TSHZ1: variants seen among roughly 807,000 people sequenced by gnomAD.
TSHZ1 encodes teashirt zinc finger homeobox 1.
In TSHZ1, 12 loss-of-function variants were observed where a neutral mutation model predicts 67.1. That is an observed-to-expected ratio of 0.18 (90% CI 0.11 to 0.29). The LOEUF (loss-of-function observed/expected upper bound fraction) is 0.29. Among genes scored for constraint, TSHZ1 ranks in the 10% least tolerant of loss-of-function variants. The probability of loss-of-function intolerance (pLI) is 1.00; values close to 1 mark genes in which losing one functional copy is unlikely to be tolerated. For missense variants in TSHZ1, 1,305 were observed against 1,413.9 expected, an observed-to-expected ratio of 0.92 and a Z score of 1.23; for synonymous variants, 632 against 622.4, an observed-to-expected ratio of 1.02 and a Z score of -0.23.
Position 75,287,240 on chromosome 18 carries a change from G to A in TSHZ1, c.1833G>A (p.Ser611=), listed in dbSNP as rs774600485. ...CGTCCTATGCTGGCGGCGTGAAGTC[G>A]CTGTCTTCCGCCGAGCACAACGCCC... The part of the protein sequence containing the change: ...VQPSYAGGVK[S]LSSAEHNALL... Residue 611 remains serine, a synonymous_variant, in exon 2 of 2, where the codon TCG becomes TCA. Transcript: ENST00000580243. This position sits in a 1 kb window ranked among gnomAD's most constrained non-coding sequence, Gnocchi z 5.0. The A allele has an allele frequency of 5.3e-5, 86 of 1,613,792 alleles. No individual in the cohort carries two copies. Among genetic ancestry groups the A allele is most frequent in the Middle Eastern group, 1.6e-4 (1 of 6,084 alleles).
At chr18:75,225,748 G>A (rs574151349) in intron 1 of TSHZ1, among the ~76,000 whole-genome samples, 10 of 150,828 alleles carry the variant, frequency 6.6e-5, no homozygotes, top group South Asian at 2.1e-4. Context: ...TCTCGGTGGC[G>A]GGTTTTACTT....
At position 75,289,071 on chromosome 18, in the gene TSHZ1, GA is replaced by G. The variant is rs777123658; in HGVS notation, c.*442del. 902 of 136,912 alleles carry G rather than the reference GA, an allele frequency of 6.6e-3. 1 individual carries two copies. Among genetic ancestry groups the G allele is most frequent in the South Asian group, 0.018 (73 of 4,042 alleles). The allele number at this position is 136,912 out of a possible 1,614,324, so 8.5% of individuals were successfully genotyped here. On this transcript the variant is annotated 3_prime_UTR_variant, in exon 2 of 2. Transcript: ENST00000580243. Reference sequence around the variant, plus strand: ...AATTGCATTTCTGTGCCTTTCACTTGAAAAAAAAAAAAGAAGAAAAAAAGGC... The same window carrying G: ...AATTGCATTTCTGTGCCTTTCACTTGAAAAAAAAAAAGAAGAAAAAAAGGC...
At chr18:75,237,446 C>T (rs1372400912) in intron 1 of TSHZ1, among the ~76,000 whole-genome samples, 2 of 152,098 alleles carry the variant, frequency 1.3e-5, no homozygotes, top group Admixed American at 1.3e-4. Flanking sequence ...CACTTGAGCC[C>T]ATAAAGTTGA....
chr18:75,219,180 A>G (rs577148112), intron 1 of TSHZ1, among the ~76,000 whole-genome samples: 1 of 152,342 alleles, frequency 6.6e-6, no homozygotes, highest in Non-Finnish European at 1.5e-5. Context: ...AAAGGAAATA[A>G]TTTGATCTAA....
At chr18:75,217,504 G>T (rs1417185416) in intron 1 of TSHZ1, among the ~76,000 whole-genome samples, 1 of 152,176 alleles carries the variant, frequency 6.6e-6, no homozygotes, top group Non-Finnish European at 1.5e-5. Flanking sequence ...GGAAAGTAAA[G>T]ACTGTACTTT....
In TSHZ1 at chr18:75,287,537, T is replaced by G; in HGVS notation, c.2130T>G (p.Val710=). The G allele has an allele frequency of 6.2e-7, 1 of 1,614,156 alleles. No homozygotes were observed. Among genetic ancestry groups the G allele is most frequent in the Non-Finnish European group, 8.5e-7 (1 of 1,180,028 alleles). Residue 710 remains valine (V), a synonymous_variant, in exon 2 of 2, where the codon GTT becomes GTG. Transcript: ENST00000580243. The surrounding 1 kb of genome is among the most constrained non-coding windows in gnomAD (Gnocchi z 5.0). ...CCAAAAAGGAGGGACCGCTGGACGT[T>G]CACACCCCAAATGGCACAGAGCCTC... is the stretch of plus-strand genomic sequence containing the variant. The part of the protein sequence containing the change: ...GKAKKEGPLD[V]HTPNGTEPLK...
chr18:75,276,944 C>T (rs1034797559), intron 1 of TSHZ1, among the ~76,000 whole-genome samples: 7 of 152,210 alleles, frequency 4.6e-5, no homozygotes, highest in African/African-American at 1.7e-4. Context: ...AGTTTCCTGA[C>T]CTCATGGCTG....
intron 1 of TSHZ1, among the ~76,000 whole-genome samples, chr18:75,236,960 GTTTTTGTCA>G (rs1434965895): frequency 1.3e-5 from 2 of 152,192 alleles, no homozygotes; most frequent in Non-Finnish European, 2.9e-5. Context: ...TAAAGCTTTA[GTTTTTGTCA>G]TCTGTTTCCC....
chr18:75,276,352 T>C (rs1007140272), intron 1 of TSHZ1, among the ~76,000 whole-genome samples: 1 of 152,178 alleles, frequency 6.6e-6, no homozygotes, highest in Middle Eastern at 3.4e-3. Flanking sequence ...TGGCAGGGTG[T>C]CAGTCTTCCT....
In TSHZ1 at chr18:75,266,047, CT is replaced by C. The variant is rs1419894968; in HGVS notation, c.41-19395del. Among the ~76,000 whole-genome samples, 6 of 152,274 alleles carry C rather than the reference CT, an allele frequency of 3.9e-5. No homozygotes were observed. In the East Asian group the frequency reaches 1.2e-3, roughly 29 times the overall value. ...CTGCACAGAGACCTGCACTGCTCAC[CT>C]TTTTTGGTGTCCTGAGCCTAGACCG... On this transcript the variant is annotated intron_variant, in intron 1 of 1. Coordinates refer to ENST00000580243, the MANE Select transcript of TSHZ1 (RefSeq NM_001308210.2).
intron 1 of TSHZ1, among the ~76,000 whole-genome samples, chr18:75,279,117 G>C (rs1406686157): frequency 6.6e-6 from 1 of 152,172 alleles, no homozygotes; most frequent in Non-Finnish European, 1.5e-5. Flanking sequence ...CTTTATTCGA[G>C]GGGGACAGGA....
At chr18:75,267,899 C>T (rs2023510358) in intron 1 of TSHZ1, among the ~76,000 whole-genome samples, 1 of 152,144 alleles carries the variant, frequency 6.6e-6, no homozygotes, top group Non-Finnish European at 1.5e-5. Flanking sequence ...ATCTCAGGGA[C>T]AAGGTCAGAA....
chr18:75,241,213 G>A (rs183448316), intron 1 of TSHZ1, among the ~76,000 whole-genome samples: 10 of 152,326 alleles, frequency 6.6e-5, no homozygotes, highest in Non-Finnish European at 4.4e-5. Flanking sequence ...GCACCCAAGG[G>A]CTCTGCAGCT....
Position 75,281,085 on chromosome 18 carries a change from G to A in TSHZ1, c.41-4363G>A, listed in dbSNP as rs1241140105. 1.3e-5 allele frequency among the ~76,000 whole-genome samples: 2 copies of A among 152,202 alleles called. No individual in the cohort carries two copies. The highest frequency in any genetic ancestry group is 1.9e-4 in the East Asian group (1 of 5,196). On this transcript the variant is annotated intron_variant, in intron 1 of 1. Transcript: ENST00000580243. This position sits in a 1 kb window ranked among gnomAD's most constrained non-coding sequence, Gnocchi z 5.3. Reference sequence around the variant, plus strand: ...GGTCCAGACGCCCTGCCTGGGACACGCAGCTTCAGCAAAGGCTTGCACTCA... The same window carrying A: ...GGTCCAGACGCCCTGCCTGGGACACACAGCTTCAGCAAAGGCTTGCACTCA...
intron 1 of TSHZ1, among the ~76,000 whole-genome samples, chr18:75,253,841 A>G (rs560849927): frequency 2.3e-4 from 35 of 152,382 alleles, no homozygotes; most frequent in African/African-American, 7.9e-4. Flanking sequence ...GGCCTTTTGC[A>G]GATATTGTTC....
In TSHZ1 at chr18:75,211,839, GGCGGCGGCTGAGGCGACGGCT is replaced by G. The variant is rs1220080470; in HGVS notation, c.-29_-9del. ...CGCGTCCCCGCGCCCCGCGAACTCC[GGCGGCGGCTGAGGCGACGGCT>G]GCGGCGGCCGAGCAGCATGCCGAGG... On this transcript the variant is annotated 5_prime_UTR_variant, in exon 1 of 2. It removes the in-frame stop codon of an upstream open reading frame in the 5' UTR. Transcript: ENST00000580243. The G allele has an allele frequency of 5.3e-6, 6 of 1,133,476 alleles. No homozygotes were observed. In the East Asian group the frequency reaches 1.3e-4, roughly 25 times the overall value. The allele number at this position is 1,133,476 out of a possible 1,614,324, so 70.2% of individuals were successfully genotyped here. A position where few individuals can be genotyped will look rare whatever the true frequency, so the allele number is the denominator to read the frequency against.
At chr18:75,255,689 G>A (rs762847594) in intron 1 of TSHZ1, among the ~76,000 whole-genome samples, 5 of 152,144 alleles carry the variant, frequency 3.3e-5, no homozygotes, top group Non-Finnish European at 5.9e-5. Flanking sequence ...AAGATTTCTA[G>A]GAAATTACTT....
chr18:75,271,208 T>C (rs910736876), intron 1 of TSHZ1, among the ~76,000 whole-genome samples: 2 of 152,100 alleles, frequency 1.3e-5, no homozygotes, highest in Admixed American at 6.5e-5. Context: ...AAAATATCCT[T>C]AGACTAGGAA....
At chr18:75,225,561 A>G (rs1029825364) in intron 1 of TSHZ1, among the ~76,000 whole-genome samples, 3 of 152,214 alleles carry the variant, frequency 2.0e-5, no homozygotes, top group Non-Finnish European at 4.4e-5. Context: ...TCTGAGAACT[A>G]GGAATTAGAG....
Sources: gnomAD v4.1 joint callset for allele counts (sites outside exome capture counted in the v4.1 genomes callset) on GRCh38, gnomAD v4.1.1 for gene constraint, Gnocchi (gnomAD v3.1) non-coding constraint, MANE v1.5 for transcripts, NCBI Gene and HGNC (gene_info 2026-07-23, HGNC 2026-07-21) for gene names.